Variants in CUL7 observed in about 807,000 individuals in gnomAD.
The protein encoded by CUL7 is cullin 7, also known as cullin-7.
In CUL7, 96 loss-of-function variants were observed where a neutral mutation model predicts 177.7. The ratio of observed to expected loss-of-function variants is 0.54; its 90% CI spans 0.46 to 0.64. The LOEUF (loss-of-function observed/expected upper bound fraction) is 0.64, where lower values mean the gene tolerates loss of function less well. Ranked by LOEUF, CUL7 falls within the 30% of genes least tolerant of loss-of-function variation. The pLI is 0.00. For synonymous variants in CUL7, 824 were observed against 890.2 expected (o/e 0.93, Z 1.32); for missense variants, 1,893 against 2,187.9 (o/e 0.87, Z 2.69).
In CUL7 at chr6:43,041,008, T is replaced by G; in HGVS notation, c.3713A>C (p.Glu1238Ala). The stretch of plus-strand genomic sequence containing the variant: ...CTGCAGCTGTGCCAGCCTCTCCATT[T>G]CCTGGGCTCCACCGATCCGGCTGCC... ...IQGSRIGGAQ[E>A]MERLAQLQQC... Residue 1238 changes from glutamate (E) to alanine (A), a missense_variant, in exon 20 of 26, where the codon GAA becomes GCA. This residue lies in a region of CUL7 where 973 missense variants were observed against 1,140.9 expected (regional missense o/e 0.85). Coordinates refer to ENST00000265348, the MANE Select transcript of CUL7 (RefSeq NM_014780.5). 6.2e-7 allele frequency: 1 copy of G among 1,613,856 alleles called. No homozygotes were observed. The highest frequency in any genetic ancestry group is 8.5e-7 in the Non-Finnish European group (1 of 1,179,928).
rs758157845 is a variant in CUL7, at chr6:43,050,993, C to G, written c.1208G>C (p.Ser403Thr). 1.9e-5 allele frequency: 30 copies of G among 1,614,200 alleles called. No individual in the cohort carries two copies. In the South Asian group the frequency reaches 3.3e-4, roughly 18 times the overall value. Residue 403 changes from serine (S) to threonine (T), a missense_variant, in exon 4 of 26, where the codon AGC (serine) becomes ACC (threonine). Physicochemically the swap from Ser to Thr is moderately conservative, Grantham distance 58. Coordinates refer to ENST00000265348, the MANE Select transcript of CUL7 (RefSeq NM_014780.5). The surrounding 1 kb of genome is among the most constrained non-coding windows in gnomAD (Gnocchi z 4.1). Reference protein sequence around the residue: ...SAGDEGEFRQSNNGVPPVQVF... With the variant: ...SAGDEGEFRQTNNGVPPVQVF... ...CTGCACAGGAGGCACACCGTTGTTG[C>G]TCTGCCGAAACTCGCCCTCATCCCC... is the stretch of plus-strand genomic sequence containing the variant.
rs1763567764 is a variant in CUL7, at chr6:43,042,853, T to C, written c.3594A>G (p.Gln1198=). The stretch of plus-strand genomic sequence containing the variant: ...TCAGCAAGGCTCCCGCACAGCCATT[T>C]TGCAGCGCCAGCAAGAAGGCTGCCC... The part of the protein sequence containing the change: ...GPRAAFLLAL[Q]NGCAGALLKL... The change falls in exon 19 of 26, where the codon CAA becomes CAG. Residue 1198 remains glutamine (Q), a synonymous_variant. Transcript: ENST00000265348. 1.9e-6 allele frequency: 3 copies of C among 1,613,984 alleles called. No individual in the cohort carries two copies. The highest frequency in any genetic ancestry group is 1.7e-4 in the Middle Eastern group (1 of 6,058).
At chr6:43,044,981 C>T (rs1198005368) in intron 15 of CUL7, 96 bp from the exon 16 acceptor site, 3 of 1,557,678 alleles carry the variant, frequency 1.9e-6, no homozygotes, top group Non-Finnish European at 2.6e-6. Flanking sequence ...ACCCCAGCAC[C>T]CAAACCGAAG....
At position 43,040,388 on chromosome 6, in the gene CUL7, C is replaced by T. The variant is rs768589539; in HGVS notation, c.4062G>A (p.Glu1354=). The T allele has an allele frequency of 1.2e-6, 2 of 1,613,284 alleles. No homozygotes were observed. Among genetic ancestry groups the T allele is most frequent in the South Asian group, 2.2e-5 (2 of 91,088 alleles). The change falls in exon 22 of 26, where the codon GAG becomes GAA. Residue 1354 remains glutamate, a synonymous_variant. Transcript: ENST00000265348. The surrounding 1 kb of genome is among the most constrained non-coding windows in gnomAD (Gnocchi z 4.2). ...LGASGKEHKS[E]KEEEAGAAAV... ...CTGCTGCCCCAGCTTCCTCTTCCTT[C>T]TCGCTCTTGTGCTCCTTGCCACTGG...
chr6:43,043,473 AG>A lies in CUL7; in HGVS notation c.3329del (p.Pro1110LeufsTer31). On this transcript the variant is annotated frameshift_variant, in exon 17 of 26. Coordinates refer to ENST00000265348, the MANE Select transcript of CUL7 (RefSeq NM_014780.5). LOFTEE classifies it high-confidence loss of function. The surrounding 1 kb of genome is among the most constrained non-coding windows in gnomAD (Gnocchi z 4.2). ...TGGGCCGAGGAGTGGCCACCACAGG[AG>A]GGGGTGCCTCACAGGGCTCGACATG... ...LVHVEPCEAP[P>X]PVVATPRPKG... 1 of 1,613,980 alleles carries A rather than the reference AG, an allele frequency of 6.2e-7. No homozygotes were observed. Among genetic ancestry groups the A allele is most frequent in the Non-Finnish European group, 8.5e-7 (1 of 1,179,916 alleles).
chr6:43,037,785 G>A lies in CUL7; in HGVS notation c.5000C>T (p.Pro1667Leu). ...TESLNPGSSG[P>L]NPPLTFHTLQ... ...GGTATGGAAGGTGAGGGGTGGGTTG[G>A]GGCCTGAGGAGCCTGGGTTCAGGGA... The change falls in exon 26 of 26, where the codon CCC becomes CTC. Residue 1667 changes from proline to leucine, a missense_variant. By Grantham distance (98) the Pro-to-Leu change is moderately conservative. Coordinates refer to ENST00000265348, the MANE Select transcript of CUL7 (RefSeq NM_014780.5). 6.3e-7 allele frequency: 1 copy of A among 1,599,048 alleles called. No individual in the cohort carries two copies.
chr6:43,043,807 T>A lies in CUL7; in HGVS notation c.3173-177A>T, dbSNP rs1763655226. Among the ~76,000 whole-genome samples, 1 of 151,962 alleles carries A rather than the reference T, an allele frequency of 6.6e-6. No homozygotes were observed. The highest frequency in any genetic ancestry group is 6.6e-5 in the Admixed American group (1 of 15,252). ...ACTTTGGGAGGCTGAGATGAGAGGA[T>A]CGCTTGAGGCAGGAGTTCAAGACTG... On this transcript the variant is annotated intron_variant, in intron 16 of 25. Coordinates refer to ENST00000265348, the MANE Select transcript of CUL7 (RefSeq NM_014780.5). This position sits in a 1 kb window ranked among gnomAD's most constrained non-coding sequence, Gnocchi z 4.2.
In CUL7 at chr6:43,038,323, G is replaced by A. The variant is rs749509661; in HGVS notation, c.4717C>T (p.Arg1573Ter). Residue 1573 changes from arginine to a stop codon, truncating the protein, a stop_gained, in exon 25 of 26, where the codon CGA becomes TGA. Transcript: ENST00000265348. LOFTEE classifies it high-confidence loss of function. ...RRNLLNCLIVRILKAHGDEGL... is the reference protein window; with the variant it reads ...RRNLLNCLIV ...TCATCTCCATGGGCCTTGAGGATTC[G>A]GACGATGAGGCAGTTCAGAAGATTC... 12 of 1,614,020 alleles carry A rather than the reference G, an allele frequency of 7.4e-6. No individual in the cohort carries two copies. The highest frequency in any genetic ancestry group is 6.7e-5 in the East Asian group (3 of 44,896).
chr6:43,045,109 C>T lies in CUL7; in HGVS notation c.3038+118G>A. On this transcript the variant is annotated intron_variant, in intron 15 of 25. Transcript: ENST00000265348. The surrounding 1 kb of genome is among the most constrained non-coding windows in gnomAD (Gnocchi z 4.8). The stretch of plus-strand genomic sequence containing the variant: ...TCCCACAGCTCAGAAAACTCCAGCC[C>T]CCTCCCCACGCATATTAAACCTCCA... The T allele has an allele frequency of 1.4e-6, 2 of 1,413,036 alleles. No individual in the cohort carries two copies. Among genetic ancestry groups the T allele is most frequent in the Non-Finnish European group, 9.7e-7 (1 of 1,027,878 alleles). 87.5% of individuals were successfully genotyped at this position (1,413,036 alleles called of 1,614,324 possible).
chr6:43,046,545 A>C lies in CUL7; in HGVS notation c.2454T>G (p.Pro818=). ...HRRTHQPINI[P]FFDVFLRYLC... The stretch of plus-strand genomic sequence containing the variant: ...GGTATCTGAGGAACACATCAAAGAA[A>C]GGGATGTTGATGGGTTGGTGGGTTC... Residue 818 remains proline, a synonymous_variant, in exon 11 of 26, where the codon CCT becomes CCG. Transcript: ENST00000265348. 6.2e-7 allele frequency: 1 copy of C among 1,614,160 alleles called. No individual in the cohort carries two copies. Among genetic ancestry groups the C allele is most frequent in the Non-Finnish European group, 8.5e-7 (1 of 1,180,024 alleles).
rs752558426 is a variant in CUL7, at chr6:43,045,704, T to C, written c.2767-22A>G. The C allele has an allele frequency of 2.4e-5, 38 of 1,613,202 alleles. 1 individual carries two copies. The Admixed American group carries it at 6.3e-4, about 27-fold the overall frequency. On this transcript the variant is annotated intron_variant, in intron 13 of 25. Transcript: ENST00000265348. The surrounding 1 kb of genome is among the most constrained non-coding windows in gnomAD (Gnocchi z 4.8). ...TCACCTGGCAGGGGGCAGAGAAAGC[T>C]GTCACCTCCACACATGCAGAGCCAA...
chr6:43,051,514 A>C lies in CUL7; in HGVS notation c.733-46T>G. 6.2e-7 allele frequency: 1 copy of C among 1,613,978 alleles called. No individual in the cohort carries two copies. Among genetic ancestry groups the C allele is most frequent in the South Asian group, 1.1e-5 (1 of 90,980 alleles). On this transcript the variant is annotated intron_variant, in intron 3 of 25. Coordinates refer to ENST00000265348, the MANE Select transcript of CUL7 (RefSeq NM_014780.5). The surrounding 1 kb of genome is among the most constrained non-coding windows in gnomAD (Gnocchi z 5.0). Reference sequence around the variant, plus strand: ...CCTATATCCACCTTGTCCCAGTTTAAGCCCCTCTCTCCATACCATCCTCTG... The same window carrying C: ...CCTATATCCACCTTGTCCCAGTTTACGCCCCTCTCTCCATACCATCCTCTG...
Position 43,040,474 on chromosome 6 carries a change from T to C in CUL7, c.4024-48A>G. On this transcript the variant is annotated intron_variant, in intron 21 of 25. Coordinates refer to ENST00000265348, the MANE Select transcript of CUL7 (RefSeq NM_014780.5). This position sits in a 1 kb window ranked among gnomAD's most constrained non-coding sequence, Gnocchi z 4.2. ...GATGCCATGGCCTCCTCCAGTCTGC[T>C]CCACGCCCCTCTTCCCCCTACCCTC... The C allele has an allele frequency of 6.2e-7, 1 of 1,612,518 alleles. No individual in the cohort carries two copies. The highest frequency in any genetic ancestry group is 8.5e-7 in the Non-Finnish European group (1 of 1,179,998).
Position 43,052,590 on chromosome 6 carries a change from G to T in CUL7, c.199C>A (p.Leu67Met). Reference sequence around the variant, plus strand: ...TAGATCTCATCCTTGGACATCCACAGCAGGATGTGCTCAGCCTTGCAGTCC... The same window carrying T: ...TAGATCTCATCCTTGGACATCCACATCAGGATGTGCTCAGCCTTGCAGTCC... ...QVDCKAEHIL[L>M]WMSKDEIYAN... is the part of the protein sequence containing the mutation. The change falls in exon 2 of 26, where the codon CTG becomes ATG. Residue 67 changes from leucine (L) to methionine (M), a missense_variant. Leu to Met is a conservative substitution (Grantham distance 15). Coordinates refer to ENST00000265348, the MANE Select transcript of CUL7 (RefSeq NM_014780.5). The surrounding 1 kb of genome is among the most constrained non-coding windows in gnomAD (Gnocchi z 4.5). 6.2e-7 allele frequency: 1 copy of T among 1,614,230 alleles called. No homozygotes were observed. Among genetic ancestry groups the T allele is most frequent in the Non-Finnish European group, 8.5e-7 (1 of 1,180,022 alleles).
At position 43,053,847 on chromosome 6, in the gene CUL7, G is replaced by C; in HGVS notation, c.-234C>G. On this transcript the variant is annotated 5_prime_UTR_variant, in exon 1 of 26. Coordinates refer to ENST00000265348, the MANE Select transcript of CUL7 (RefSeq NM_014780.5). This position sits in a 1 kb window ranked among gnomAD's most constrained non-coding sequence, Gnocchi z 4.1. The stretch of plus-strand genomic sequence containing the variant: ...CTGCCAGCGGCTCCGCCAGCCAAAA[G>C]CCACGGCTCATTTCCGCCCGACCCA... The C allele has an allele frequency of 5.9e-6, 9 of 1,533,090 alleles. No individual in the cohort carries two copies. Among genetic ancestry groups the C allele is most frequent in the Non-Finnish European group, 7.0e-6 (8 of 1,146,330 alleles). 95.0% of individuals were successfully genotyped at this position (1,533,090 alleles called of 1,614,324 possible).
chr6:43,049,749 G>A, intron 6 of CUL7, 87 bp from the exon 7 acceptor site: 2 of 1,539,326 alleles, frequency 1.3e-6, no homozygotes, highest in Non-Finnish European at 8.9e-7. Flanking sequence ...GGGTCTCTCT[G>A]CACACATACC....
chr6:43,042,828 T>C lies in CUL7; in HGVS notation c.3619A>G (p.Lys1207Glu), dbSNP rs1561878189. The C allele has an allele frequency of 6.2e-7, 1 of 1,613,340 alleles. No homozygotes were observed. The highest frequency in any genetic ancestry group is 8.5e-7 in the Non-Finnish European group (1 of 1,179,684). ...LQNGCAGALL[K>E]LPFLKAAHVS... ...TGGGCAGCTTTGAGAAAAGGGAGCT[T>C]CAGCAAGGCTCCCGCACAGCCATTT... The change falls in exon 19 of 26, where the codon AAG becomes GAG. Residue 1207 changes from lysine (K) to glutamate (E), a missense_variant. Lys to Glu is a moderately conservative substitution (Grantham distance 56). This residue lies in a region of CUL7 where 973 missense variants were observed against 1,140.9 expected (regional missense o/e 0.85). Transcript: ENST00000265348.
In CUL7 at chr6:43,038,448, C is replaced by T. The variant is rs769447877; in HGVS notation, c.4592G>A (p.Ser1531Asn). 2.5e-6 allele frequency: 4 copies of T among 1,614,222 alleles called. No homozygotes were observed. The South Asian group carries it at 4.4e-5, about 18-fold the overall frequency. The change falls in exon 25 of 26, where the codon AGC (serine) becomes AAC (asparagine). Residue 1531 changes from serine (S) to asparagine (N), a missense_variant. Physicochemically the swap from Ser to Asn is conservative, Grantham distance 46. Around this residue, in one of 5 missense-constraint regions of CUL7, gnomAD observed 248 missense variants for 262.5 expected, o/e 0.94. Coordinates refer to ENST00000265348, the MANE Select transcript of CUL7 (RefSeq NM_014780.5). The stretch of plus-strand genomic sequence containing the variant: ...GTCCCATCTCGACCTGGGTTCCTTG[C>T]TGCCATCTCGAATCTTGAGGACCCC... The part of the protein sequence containing the change: ...PGGVLKIRDG[S>N]KEPRSRWDIV...
chr6:43,040,713 G>A lies in CUL7; in HGVS notation c.3840C>T (p.Val1280=), dbSNP rs987955068. The A allele has an allele frequency of 1.2e-6, 2 of 1,614,012 alleles. No homozygotes were observed. Among genetic ancestry groups the A allele is most frequent in the Non-Finnish European group, 1.7e-6 (2 of 1,180,060 alleles). The stretch of plus-strand genomic sequence containing the variant: ...GCACGGCCCCCTCCAGCCAGCTCGA[G>A]ACCACGCCCAGGAGACGGTCCGCCA... ...HYMADRLLGV[V]SSWLEGAVLE... Residue 1280 remains valine (V), a synonymous_variant, in exon 21 of 26, where the codon GTC becomes GTT. Coordinates refer to ENST00000265348, the MANE Select transcript of CUL7 (RefSeq NM_014780.5). This position sits in a 1 kb window ranked among gnomAD's most constrained non-coding sequence, Gnocchi z 4.2.
Sources: allele counts gnomAD v4.1 joint callset (sites outside exome capture counted in the v4.1 genomes callset), GRCh38; gene constraint gnomAD v4.1.1; regional missense constraint gnomAD v4.1.1; non-coding constraint Gnocchi (gnomAD v3.1); transcripts MANE v1.5; gene names NCBI Gene and HGNC (gene_info 2026-07-23, HGNC 2026-07-21).